TTC34: variants seen among roughly 807,000 people sequenced by gnomAD.
TTC34 encodes the protein tetratricopeptide repeat protein 34.
In TTC34, 44 loss-of-function variants were observed where a neutral mutation model predicts 40.7. That is an observed-to-expected ratio of 1.08 (90% CI 0.85 to 1.39). The LOEUF (loss-of-function observed/expected upper bound fraction) is 1.39. TTC34 is among the 40% of genes most tolerant of loss of function. TTC34 has a pLI of 0.00. For synonymous variants in TTC34, 422 were observed against 398.6 expected, an observed-to-expected ratio of 1.06 and a Z score of -0.70; for missense variants, 884 against 838.0, an observed-to-expected ratio of 1.05 and a Z score of -0.68.
rs1370087339 is a variant in TTC34, at chr1:2,752,606, C to A, written c.2226+31003G>T. Among the ~76,000 whole-genome samples the A allele has an allele frequency of 2.8e-4, 15 of 53,128 alleles. 2 individuals are homozygous for A. The highest frequency in any genetic ancestry group is 2.0e-3 in the South Asian group (3 of 1,538). 34.9% of individuals were successfully genotyped at this position (53,128 alleles called of 152,430 possible). A position where few individuals can be genotyped will look rare whatever the true frequency, so the allele number is the denominator to read the frequency against. On this transcript the variant is annotated intron_variant, in intron 6 of 8. Coordinates refer to ENST00000401095, the Ensembl canonical transcript of TTC34. ...GAGAATCTGACAACCTGGAACAGGA[C>A]AAACACCCCCAGGCGAGCATCTGAC...
intron 6 of TTC34, among the ~76,000 whole-genome samples, chr1:2,648,581 C>T (rs1387449241): frequency 6.6e-6 from 1 of 151,988 alleles, no homozygotes; most frequent in African/African-American, 2.4e-5. Flanking sequence ...GGAATGGCAC[C>T]CACATCCCCA....
At chr1:2,650,735 G>A (rs757964093) in intron 6 of TTC34, among the ~76,000 whole-genome samples, 88 of 150,276 alleles carry the variant, frequency 5.9e-4, no homozygotes, top group Non-Finnish European at 9.2e-4. Context: ...AACGTAGAAT[G>A]TCACCCTGAC....
intron 6 of TTC34, among the ~76,000 whole-genome samples, chr1:2,782,349 A>C (rs1643496716): frequency 6.6e-6 from 1 of 152,102 alleles, no homozygotes; most frequent in Non-Finnish European, 1.5e-5. Flanking sequence ...TAATAACCTG[A>C]TTTTCATTTC....
intron 2 of TTC34, among the ~76,000 whole-genome samples, chr1:2,794,823 G>GTTT (rs1266592641): frequency 6.6e-6 from 1 of 152,028 alleles, no homozygotes; most frequent in Non-Finnish European, 1.5e-5. Context: ...TTATAAAACA[G>GTTT]TTTTTCTGAA....
chr1:2,687,966 C>A (rs1266079229), intron 6 of TTC34, among the ~76,000 whole-genome samples: 7 of 144,484 alleles, frequency 4.8e-5, no homozygotes, highest in Admixed American at 2.0e-4. Flanking sequence ...AGCACGCGCA[C>A]CCCCAGGAGA....
chr1:2,684,011 GA>G (rs1640204913), intron 6 of TTC34, among the ~76,000 whole-genome samples: 1 of 127,538 alleles, frequency 7.8e-6, no homozygotes, highest in Non-Finnish European at 1.8e-5. Context: ...GTGAGCATCT[GA>G]CAGCCTGGAA....
At chr1:2,750,604 A>C (rs1641285816) in intron 6 of TTC34, among the ~76,000 whole-genome samples, 1 of 150,568 alleles carries the variant, frequency 6.6e-6, no homozygotes. Context: ...AGCACCCCAC[A>C]CCCACAGGTG....
In TTC34 at chr1:2,792,006, CTTTTTTTTT is replaced by C. The variant is rs376632144; in HGVS notation, c.785-1669_785-1661del. On this transcript the variant is annotated intron_variant, in intron 2 of 8. Coordinates refer to ENST00000401095, the Ensembl canonical transcript of TTC34. The stretch of plus-strand genomic sequence containing the variant: ...TGTTCAACTCTAGACTTGCCATATG[CTTTTTTTTT>C]TTTTTTTTTTTTTTTTTTAAAGACA... 4.7e-3 allele frequency among the ~76,000 whole-genome samples: 184 copies of C among 39,558 alleles called. 3 individuals carry two copies. The highest frequency in any genetic ancestry group is 0.012 in the African/African-American group (141 of 11,986). The allele number at this position is 39,558 out of a possible 152,430, so 26.0% of individuals were successfully genotyped here.
intron 6 of TTC34, among the ~76,000 whole-genome samples, chr1:2,683,505 A>T (rs1640175338): frequency 6.7e-6 from 1 of 149,206 alleles, no homozygotes; most frequent in Admixed American, 6.7e-5. Context: ...CTGGAACGGC[A>T]CCCACACCAC....
At chr1:2,771,530 GCGAGCA>G (rs1642143342) in intron 6 of TTC34, among the ~76,000 whole-genome samples, 7 of 78,140 alleles carry the variant, frequency 9.0e-5, no homozygotes, top group Non-Finnish European at 1.1e-4. Flanking sequence ...ACACCCCCAG[GCGAGCA>G]TCTGACAGCC....
rs1473532063 is a variant in TTC34, at chr1:2,700,372, A to C, written c.2227-54809T>G. Among the ~76,000 whole-genome samples the C allele has an allele frequency of 5.4e-3, 356 of 65,738 alleles. 8 individuals carry two copies. The highest frequency in any genetic ancestry group is 0.012 in the Middle Eastern group (1 of 84). The allele number at this position is 65,738 out of a possible 152,430, so 43.1% of individuals were successfully genotyped here. A position where few individuals can be genotyped will look rare whatever the true frequency, so the allele number is the denominator to read the frequency against. ...CCGACAGCCTGGAGCAGCGCCCACA[A>C]CCCCAGGTGAGTATCTGACAGCCTG... On this transcript the variant is annotated intron_variant, in intron 6 of 8. Transcript: ENST00000401095.
chr1:2,773,099 C>G (rs1642549154), intron 6 of TTC34, among the ~76,000 whole-genome samples: 3 of 150,422 alleles, frequency 2.0e-5, no homozygotes, highest in Non-Finnish European at 4.4e-5. Flanking sequence ...CACCCACACC[C>G]CCAGGCGAGC....
chr1:2,680,467 G>A (rs1458284288), intron 6 of TTC34, among the ~76,000 whole-genome samples: 69 of 98,092 alleles, frequency 7.0e-4, no homozygotes, highest in Non-Finnish European at 1.5e-3. Context: ...ACACCCCCAG[G>A]AGAGCATCCG....
At chr1:2,750,100 G>C (rs1281681336) in intron 6 of TTC34, among the ~76,000 whole-genome samples, 1 of 138,276 alleles carries the variant, frequency 7.2e-6, no homozygotes, top group Non-Finnish European at 1.5e-5. Flanking sequence ...GTGAGCATCT[G>C]ACAGCCTGGA....
At chr1:2,687,222 A>G (rs1394889851) in intron 6 of TTC34, among the ~76,000 whole-genome samples, 1 of 142,910 alleles carries the variant, frequency 7.0e-6, no homozygotes, top group East Asian at 2.0e-4. Context: ...CGAGCATCCG[A>G]CAGCCTGGAG....
intron 6 of TTC34, among the ~76,000 whole-genome samples, chr1:2,681,087 T>C (rs796634710): frequency 6.4e-3 from 241 of 37,448 alleles, no homozygotes; most frequent in South Asian, 0.012. Flanking sequence ...TCTGACAGCC[T>C]AGAGCAGTGC....
intron 6 of TTC34, among the ~76,000 whole-genome samples, chr1:2,683,615 C>G (rs1335558143): frequency 6.2e-5 from 9 of 144,406 alleles, no homozygotes; most frequent in African/African-American, 2.2e-4. Context: ...ATCTGACATC[C>G]TTCAGCAGCA....
chr1:2,690,289 A>ACCACCCACACCC (rs1386188110), intron 6 of TTC34, among the ~76,000 whole-genome samples: 1 of 123,822 alleles, frequency 8.1e-6, no homozygotes, highest in Non-Finnish European at 1.8e-5. Context: ...AGCCTGGAGC[A>ACCACCCACACCC]GCACCCACAC....
intron 6 of TTC34, among the ~76,000 whole-genome samples, chr1:2,753,255 C>T (rs1641386089): frequency 1.8e-5 from 2 of 112,480 alleles, no homozygotes; most frequent in African/African-American, 4.2e-5. Context: ...AGCACCCACA[C>T]CCCAGGTGAG....
Sources: gnomAD v4.1 joint callset for allele counts (sites outside exome capture counted in the v4.1 genomes callset) on GRCh38, gnomAD v4.1.1 for gene constraint, MANE v1.5 for transcripts, NCBI Gene and HGNC (gene_info 2026-07-23, HGNC 2026-07-21) for gene names.